BRI3: variants seen among roughly 807,000 people sequenced by gnomAD.
BRI3 encodes the protein brain protein I3.
In BRI3, 6 loss-of-function variants were observed where a neutral mutation model predicts 12.8. The observed-to-expected ratio is 0.47, with a 90% CI of 0.26 to 0.93. The LOEUF (loss-of-function observed/expected upper bound fraction) is 0.93. BRI3 is among the 40% of genes least tolerant of loss of function. The probability of loss-of-function intolerance (pLI) is 0.15; values close to 1 mark genes in which losing one functional copy is unlikely to be tolerated. For synonymous variants in BRI3, 91 were observed against 76.1 expected, an observed-to-expected ratio of 1.20 and a Z score of -1.02; for missense variants, 134 against 171.1, an observed-to-expected ratio of 0.78 and a Z score of 1.21.
chr7:98,296,823 C>A (rs1420747203), downstream of BRI3, among the ~76,000 whole-genome samples: 2 of 152,232 alleles, frequency 1.3e-5, no homozygotes, highest in Non-Finnish European at 2.9e-5. Flanking sequence ...AGGGCAGGGG[C>A]TTGGCACATA....
chr7:98,293,399 G>A (rs1800049119), downstream of BRI3: 5 of 874,784 alleles, frequency 5.7e-6, no homozygotes, highest in Non-Finnish European at 9.1e-6. Flanking sequence ...GCTTAAGCAG[G>A]CGACATTAGA....
the BRI3 span, chr7:98,320,113 T>C: frequency 6.2e-7 from 1 of 1,612,780 alleles, no homozygotes; most frequent in Non-Finnish European, 8.5e-7. Flanking sequence ...GATAATCTCT[T>C]TGTGGAATTT....
upstream of BRI3, among the ~76,000 whole-genome samples, chr7:98,302,974 T>C (rs569546716): frequency 6.6e-6 from 1 of 152,270 alleles, no homozygotes; most frequent in Admixed American, 6.5e-5. Context: ...TTTGTCTACA[T>C]AGGGTTTTGC....
At chr7:98,289,725 C>T (rs1799837276) in intron 2 of BRI3, among the ~76,000 whole-genome samples, 1 of 152,242 alleles carries the variant, frequency 6.6e-6, no homozygotes, top group Admixed American at 6.5e-5. Flanking sequence ...CAAAGCTTTT[C>T]TCATTTGGGC....
intron 2 of BRI3, among the ~76,000 whole-genome samples, chr7:98,284,044 C>G (rs1056398397): frequency 6.6e-6 from 1 of 152,340 alleles, no homozygotes; most frequent in African/African-American, 2.4e-5. Context: ...TATGCAGAAC[C>G]TGGAGCGGGG....
At chr7:98,312,001 A>AG, downstream of BRI3, 1 of 1,280,544 alleles carries the variant, frequency 7.8e-7, no homozygotes, top group East Asian at 2.4e-5. Flanking sequence ...GAAGTAATAA[A>AG]GGGGGACCTG....
chr7:98,297,993 G>A (rs544420620), intron 1 of BRI3, among the ~76,000 whole-genome samples: 1 of 152,342 alleles, frequency 6.6e-6, no homozygotes, highest in South Asian at 2.1e-4. Flanking sequence ...CACCTTGGGA[G>A]GCCAAGGCAG....
At chr7:98,317,273 T>C in the BRI3 span, 1 of 1,614,156 alleles carries the variant, frequency 6.2e-7, no homozygotes, top group African/African-American at 1.3e-5. Context: ...GGCTTTTCCT[T>C]CTGATCTTCT....
chr7:98,315,537 C>A, the BRI3 span: 1 of 1,520,452 alleles, frequency 6.6e-7, no homozygotes, highest in Non-Finnish European at 8.9e-7. Context: ...CTCTTCTCTT[C>A]AAGCAGAGCC....
At chr7:98,310,504 T>C, downstream of BRI3, 16 of 1,607,336 alleles carry the variant, frequency 1.0e-5, no homozygotes, top group Non-Finnish European at 1.3e-5. Context: ...ATTAAACATA[T>C]CGATCAAGGG....
At chr7:98,316,340 A>G in the BRI3 span, among the ~76,000 whole-genome samples, 1 of 152,106 alleles carries the variant, frequency 6.6e-6, no homozygotes, top group Non-Finnish European at 1.5e-5. Flanking sequence ...GTAATAAAAT[A>G]TGATTTAACC....
chr7:98,306,420 C>T, upstream of BRI3: 1 of 1,613,900 alleles, frequency 6.2e-7, no homozygotes, highest in Non-Finnish European at 8.5e-7. Flanking sequence ...CGGGAGAGCT[C>T]AGCCACGTTC....
At chr7:98,312,140 G>C, downstream of BRI3, 1 of 1,613,802 alleles carries the variant, frequency 6.2e-7, no homozygotes, top group Non-Finnish European at 8.5e-7. Flanking sequence ...AGGAGTTCCA[G>C]ACACGGGGGT....
chr7:98,300,326 T>C (rs1215413884), intron 1 of BRI3, among the ~76,000 whole-genome samples: 7 of 152,208 alleles, frequency 4.6e-5, no homozygotes, highest in Middle Eastern at 3.2e-3. Context: ...TTCCCACAGC[T>C]GCGCTCCCGG....
At chr7:98,293,435 C>T (rs1313446371), downstream of BRI3, 6 of 1,296,058 alleles carry the variant, frequency 4.6e-6, no homozygotes, top group East Asian at 2.3e-5. Context: ...TGAAGCTTCC[C>T]GACCGTCAGC....
intron 2 of BRI3, among the ~76,000 whole-genome samples, chr7:98,288,784 A>ACGGAGGTTGGAG: frequency 1.1e-5 from 1 of 87,976 alleles, no homozygotes; most frequent in African/African-American, 3.4e-5. Context: ...AAATTTTTGT[A>ACGGAGGTTGGAG]GGGAGGGGTC....
downstream of BRI3, among the ~76,000 whole-genome samples, chr7:98,312,446 GA>G (rs1800908040): frequency 6.6e-6 from 1 of 152,206 alleles, no homozygotes; most frequent in African/African-American, 2.4e-5. Context: ...CACCGGCTGA[GA>G]GGGGCAAAGG....
chr7:98,290,150 T>C (rs1799856540), intron 2 of BRI3, among the ~76,000 whole-genome samples: 1 of 150,290 alleles, frequency 6.7e-6, no homozygotes, highest in Non-Finnish European at 1.5e-5. Flanking sequence ...ATGTGGCTTG[T>C]GGCACCAAAA....
chr7:98,303,883 G>T (rs553867587), upstream of BRI3, among the ~76,000 whole-genome samples: 1 of 152,244 alleles, frequency 6.6e-6, no homozygotes, highest in Non-Finnish European at 1.5e-5. Context: ...TCAATGGCTA[G>T]AAGACTGCAG....
Sources: gnomAD v4.1 joint callset for allele counts (sites outside exome capture counted in the v4.1 genomes callset) on GRCh38, gnomAD v4.1.1 for gene constraint, MANE v1.5 for transcripts, NCBI Gene and HGNC (gene_info 2026-07-23, HGNC 2026-07-21) for gene names.